Variants in SENP7 observed in about 807,000 individuals in gnomAD.
SENP7 encodes SUMO specific peptidase 7.
SENP7 carries 64 observed loss-of-function variants against 141.2 expected under a neutral mutation model. The observed-to-expected ratio is 0.45, with a 90% CI of 0.37 to 0.56. The LOEUF (loss-of-function observed/expected upper bound fraction) is 0.56, where lower values mean the gene tolerates loss of function less well. Ranked by LOEUF, SENP7 falls within the 20% of genes least tolerant of loss-of-function variation. The pLI is 0.00. For synonymous variants in SENP7, 382 were observed against 426.4 expected (o/e 0.90, Z 1.28); for missense variants, 1,025 against 1,212.2 (o/e 0.85, Z 2.29).
At chr3:101,433,927 C>G (rs1378087484) in intron 4 of SENP7, among the ~76,000 whole-genome samples, 3 of 152,008 alleles carry the variant, frequency 2.0e-5, no homozygotes, top group East Asian at 3.9e-4. Context: ...ACACTATAGA[C>G]CAAATGGATC....
chr3:101,503,232 G>A (rs1052856524), intron 1 of SENP7, among the ~76,000 whole-genome samples: 2 of 152,162 alleles, frequency 1.3e-5, no homozygotes, highest in South Asian at 2.1e-4. Context: ...CCTTTAGAAT[G>A]GGTAAAAGTA....
rs554694450 is a variant in SENP7, at chr3:101,398,347, C to A, written c.677+514G>T. 3.9e-4 allele frequency among the ~76,000 whole-genome samples: 60 copies of A among 152,312 alleles called. 1 individual carries two copies. The highest frequency in any genetic ancestry group is 1.3e-3 in the African/African-American group (52 of 41,562). The stretch of plus-strand genomic sequence containing the variant: ...TGGTGGCACGTGCCTGTAGTCCCAG[C>A]TACTTGGGAGGCTGAGGTAGGAGAA... On this transcript the variant is annotated intron_variant, in intron 6 of 23. Coordinates refer to ENST00000394095, the MANE Select transcript of SENP7 (RefSeq NM_020654.5).
chr3:101,343,644 A>G, intron 14 of SENP7, 42 bp downstream of exon 14: 1 of 1,546,166 alleles, frequency 6.5e-7, no homozygotes, highest in Non-Finnish European at 8.7e-7. Context: ...ATGTTTTCTG[A>G]ACCTCCCCCT....
chr3:101,510,843 C>CAAAAAAAAAAA (rs377579284), intron 1 of SENP7, among the ~76,000 whole-genome samples: 1 of 78,350 alleles, frequency 1.3e-5, no homozygotes, highest in Non-Finnish European at 2.4e-5. Flanking sequence ...GACTCCATCT[C>CAAAAAAAAAAA]AAAAAAAAAA....
intron 3 of SENP7, among the ~76,000 whole-genome samples, chr3:101,473,390 C>T (rs990319331): frequency 3.9e-5 from 6 of 152,100 alleles, no homozygotes; most frequent in African/African-American, 9.7e-5. Flanking sequence ...AACCTCACCA[C>T]CATCTGTTAC....
At chr3:101,490,991 C>A (rs780583252) in intron 3 of SENP7, among the ~76,000 whole-genome samples, 2 of 151,626 alleles carry the variant, frequency 1.3e-5, no homozygotes, top group Non-Finnish European at 2.9e-5. Flanking sequence ...TTAACTTTTG[C>A]GAATATCAAA....
intron 11 of SENP7, among the ~76,000 whole-genome samples, chr3:101,360,257 C>T (rs1438509959): frequency 6.6e-6 from 1 of 152,008 alleles, no homozygotes; most frequent in Non-Finnish European, 1.5e-5. Context: ...TTTGCAGTTC[C>T]CAGAATTTGG....
intron 6 of SENP7, among the ~76,000 whole-genome samples, chr3:101,392,582 A>G (rs1376996150): frequency 2.6e-5 from 4 of 152,234 alleles, no homozygotes; most frequent in Non-Finnish European, 5.9e-5. Context: ...CTCATGGATT[A>G]GAACTAATAG....
intron 6 of SENP7, among the ~76,000 whole-genome samples, chr3:101,390,219 CAA>C (rs563281627): frequency 0.15 from 11,267 of 73,266 alleles, 323 homozygotes; most frequent in East Asian, 0.29. Context: ...GACTCTGTCT[CAA>C]AAAAAAAAAA....
At chr3:101,443,954 A>T (rs1170886255) in intron 4 of SENP7, among the ~76,000 whole-genome samples, 6 of 150,844 alleles carry the variant, frequency 4.0e-5, no homozygotes, top group Admixed American at 2.7e-4. Flanking sequence ...GTGAACAGGC[A>T]ACCTACAAAA....
At chr3:101,351,572 A>T (rs773623293) in intron 12 of SENP7, 46 bp downstream of exon 12, 3 of 1,288,934 alleles carry the variant, frequency 2.3e-6, no homozygotes, top group African/African-American at 1.6e-5. Context: ...AATTTATACT[A>T]AAAACTATAG....
At chr3:101,378,021 T>C (rs1214711898) in intron 6 of SENP7, among the ~76,000 whole-genome samples, 1 of 152,084 alleles carries the variant, frequency 6.6e-6, no homozygotes, top group Non-Finnish European at 1.5e-5. Context: ...AATAGAACAC[T>C]AAGCATAAAT....
chr3:101,375,781 T>C (rs1051403391), intron 6 of SENP7, among the ~76,000 whole-genome samples: 1 of 152,122 alleles, frequency 6.6e-6, no homozygotes, highest in Non-Finnish European at 1.5e-5. Context: ...TAAAATATTA[T>C]TGGGCCATAA....
At chr3:101,490,810 G>C (rs1299394031) in intron 3 of SENP7, among the ~76,000 whole-genome samples, 1 of 152,078 alleles carries the variant, frequency 6.6e-6, no homozygotes, top group African/African-American at 2.4e-5. Context: ...CAAAAAAGTT[G>C]AGTAGTGGAA....
At chr3:101,440,626 T>C (rs928938739) in intron 4 of SENP7, among the ~76,000 whole-genome samples, 2 of 148,020 alleles carry the variant, frequency 1.4e-5, no homozygotes, top group Non-Finnish European at 3.0e-5. Flanking sequence ...CCAAAAACTC[T>C]TCCAGAAAAC....
chr3:101,456,207 G>T (rs143492506), intron 4 of SENP7, among the ~76,000 whole-genome samples: 1 of 152,062 alleles, frequency 6.6e-6, no homozygotes, highest in Admixed American at 6.5e-5. Context: ...ATGATACAAA[G>T]CCCTCTAGAT....
chr3:101,431,508 CTTTT>C (rs56937965), intron 4 of SENP7, among the ~76,000 whole-genome samples: 7 of 82,888 alleles, frequency 8.4e-5, no homozygotes, highest in Admixed American at 1.5e-4. Flanking sequence ...GCAACCCCTG[CTTTT>C]TTTTTTTTTT....
chr3:101,334,764 T>C (rs1409603179), intron 17 of SENP7, among the ~76,000 whole-genome samples: 3 of 152,186 alleles, frequency 2.0e-5, no homozygotes, highest in Non-Finnish European at 4.4e-5. Flanking sequence ...TTTATATTGG[T>C]ATTTGGTCGA....
intron 4 of SENP7, among the ~76,000 whole-genome samples, chr3:101,420,686 C>G (rs889283049): frequency 1.3e-5 from 2 of 152,072 alleles, no homozygotes; most frequent in Admixed American, 1.3e-4. Context: ...TTATGTTACC[C>G]CCTGATATGT....
Sources: gnomAD v4.1 joint callset for allele counts (sites outside exome capture counted in the v4.1 genomes callset) on GRCh38, gnomAD v4.1.1 for gene constraint, MANE v1.5 for transcripts, NCBI Gene and HGNC (gene_info 2026-07-23, HGNC 2026-07-21) for gene names.